Variants in PELI2 observed in about 807,000 individuals in gnomAD.
PELI2 encodes pellino E3 ubiquitin protein ligase family member 2.
Under a neutral mutation model 42.3 loss-of-function variants are expected in PELI2, and 23 were observed. The ratio of observed to expected loss-of-function variants is 0.54; its 90% confidence interval spans 0.39 to 0.77. PELI2 has a LOEUF of 0.77. Ranked by LOEUF, PELI2 falls within the 30% of genes least tolerant of loss-of-function variation. PELI2 has a pLI of 0.00. For missense variants in PELI2, 463 were observed against 553.2 expected, an observed-to-expected ratio of 0.84 and a Z score of 1.64; for synonymous variants, 245 against 212.2, an observed-to-expected ratio of 1.15 and a Z score of -1.34.
intron 2 of PELI2, among the ~76,000 whole-genome samples, chr14:56,216,098 C>G (rs1382730910): frequency 6.6e-6 from 1 of 152,080 alleles, no homozygotes; most frequent in African/African-American, 2.4e-5. Flanking sequence ...ATTTTTTAGT[C>G]AGCATTATAG....
chr14:56,120,985 A>G (rs1450798138), intron 1 of PELI2, among the ~76,000 whole-genome samples: 2 of 152,242 alleles, frequency 1.3e-5, no homozygotes, highest in African/African-American at 2.4e-5. Context: ...GTGACTAGGT[A>G]GGAAGATTTT....
chr14:56,218,484 G>T (rs1886992853), intron 2 of PELI2, among the ~76,000 whole-genome samples: 1 of 152,218 alleles, frequency 6.6e-6, no homozygotes, highest in Non-Finnish European at 1.5e-5. Context: ...TTACACATTT[G>T]AGAACTCTGT....
chr14:56,274,374 T>C (rs1332925912), intron 2 of PELI2, among the ~76,000 whole-genome samples: 1 of 152,226 alleles, frequency 6.6e-6, no homozygotes, highest in Non-Finnish European at 1.5e-5. Flanking sequence ...CTCTATTGGC[T>C]TTCACTTTGT....
chr14:56,226,649 G>T (rs1249850390), intron 2 of PELI2, among the ~76,000 whole-genome samples: 1 of 152,188 alleles, frequency 6.6e-6, no homozygotes, highest in Non-Finnish European at 1.5e-5. Context: ...CATGGCACTT[G>T]TGTTAAGATT....
At chr14:56,224,669 A>G (rs565155111) in intron 2 of PELI2, among the ~76,000 whole-genome samples, 1 of 152,334 alleles carries the variant, frequency 6.6e-6, no homozygotes, top group East Asian at 1.9e-4. Flanking sequence ...GCAAATCAGA[A>G]TTTAATATAT....
chr14:56,173,526 A>G lies in PELI2; in HGVS notation c.78-4809A>G, dbSNP rs367913551. Among the ~76,000 whole-genome samples, 69 of 152,228 alleles carry G rather than the reference A, an allele frequency of 4.5e-4. 1 individual carries two copies. The highest frequency in any genetic ancestry group is 1.1e-3 in the African/African-American group (44 of 41,536). On this transcript the variant is annotated intron_variant, in intron 1 of 5. Transcript: ENST00000267460. ...GCTTTTATAGTTTCCTGTGGCTGCC[A>G]TAACACATTACCACAAACTTGGTAA...
chr14:56,266,202 G>GA (rs1888896784), intron 2 of PELI2, among the ~76,000 whole-genome samples: 1 of 151,922 alleles, frequency 6.6e-6, no homozygotes, highest in Non-Finnish European at 1.5e-5. Context: ...TAGGAGTGAG[G>GA]AAAGCTTTTC....
At chr14:56,162,643 G>A (rs964432417) in intron 1 of PELI2, among the ~76,000 whole-genome samples, 1 of 152,290 alleles carries the variant, frequency 6.6e-6, no homozygotes, top group African/African-American at 2.4e-5. Flanking sequence ...TGAGATTGCT[G>A]AGTCATATGG....
chr14:56,119,900 G>T, intron 1 of PELI2: 1 of 960,496 alleles, frequency 1.0e-6, no homozygotes, highest in Non-Finnish European at 1.2e-6. Context: ...ATGGCTGTGG[G>T]AAGACTCAGG....
chr14:56,296,505 T>C (rs1321691764), intron 5 of PELI2, 95 bp from the exon 6 acceptor site: 2 of 841,094 alleles, frequency 2.4e-6, no homozygotes, highest in South Asian at 1.7e-5. Flanking sequence ...CTGTGTTATC[T>C]TCAAATATTT....
chr14:56,193,027 G>A (rs1162305062), intron 2 of PELI2, among the ~76,000 whole-genome samples: 2 of 152,146 alleles, frequency 1.3e-5, no homozygotes, highest in South Asian at 2.1e-4. Context: ...TGACTCTTCC[G>A]ACAAGTTCCT....
intron 2 of PELI2, among the ~76,000 whole-genome samples, chr14:56,268,367 C>T (rs1888978183): frequency 6.6e-6 from 1 of 152,124 alleles, no homozygotes; most frequent in East Asian, 1.9e-4. Flanking sequence ...TGTAGGATGT[C>T]ACAGCAGGTG....
chr14:56,253,461 C>T (rs1888420721), intron 2 of PELI2, among the ~76,000 whole-genome samples: 2 of 152,162 alleles, frequency 1.3e-5, no homozygotes, highest in South Asian at 4.1e-4. Context: ...CCCATGATCT[C>T]AGACCCAAAC....
intron 1 of PELI2, among the ~76,000 whole-genome samples, chr14:56,139,121 G>A (rs561127274): frequency 1.3e-5 from 2 of 152,122 alleles, no homozygotes; most frequent in Non-Finnish European, 2.9e-5. Flanking sequence ...CTTGCTTCTC[G>A]CACACCCTAA....
chr14:56,165,783 TAC>T (rs1021456699), intron 1 of PELI2, among the ~76,000 whole-genome samples: 7 of 152,150 alleles, frequency 4.6e-5, no homozygotes, highest in Non-Finnish European at 8.8e-5. Flanking sequence ...TGTCTTTTCT[TAC>T]AGTTTTTTTC....
At chr14:56,124,527 C>T (rs1185164071) in intron 1 of PELI2, among the ~76,000 whole-genome samples, 1 of 152,220 alleles carries the variant, frequency 6.6e-6, no homozygotes, top group Non-Finnish European at 1.5e-5. Context: ...TTGTCCCAGC[C>T]TCTTTGTGAA....
chr14:56,245,219 A>T (rs1236936676), intron 2 of PELI2, among the ~76,000 whole-genome samples: 4 of 152,196 alleles, frequency 2.6e-5, no homozygotes, highest in Non-Finnish European at 5.9e-5. Context: ...AGTAGAACAA[A>T]ACACTGCAAC....
intron 1 of PELI2, among the ~76,000 whole-genome samples, chr14:56,125,848 T>C (rs540718050): frequency 3.2e-4 from 49 of 152,158 alleles, no homozygotes; most frequent in Non-Finnish European, 4.9e-4. Flanking sequence ...CCCTTTCTGG[T>C]GCATGTTAGG....
chr14:56,276,879 A>T (rs961220943), intron 2 of PELI2, among the ~76,000 whole-genome samples: 4 of 152,296 alleles, frequency 2.6e-5, no homozygotes, highest in Middle Eastern at 3.4e-3. Flanking sequence ...TGGGCTCAAC[A>T]TTCAAAGCAT....
Sources: gnomAD v4.1 joint callset for allele counts (sites outside exome capture counted in the v4.1 genomes callset) on GRCh38, gnomAD v4.1.1 for gene constraint, MANE v1.5 for transcripts, NCBI Gene and HGNC (gene_info 2026-07-23, HGNC 2026-07-21) for gene names.